ZMAT4: variants seen among roughly 807,000 people sequenced by gnomAD.
ZMAT4 encodes the protein zinc finger matrin-type protein 4.
ZMAT4 carries 17 observed loss-of-function variants against 28.7 expected under a neutral mutation model. The ratio of observed to expected loss-of-function variants is 0.59; its 90% CI spans 0.41 to 0.89. The LOEUF (loss-of-function observed/expected upper bound fraction) is 0.89, where lower values mean the gene tolerates loss of function less well. Ranked by LOEUF, ZMAT4 falls within the 40% of genes least tolerant of loss-of-function variation. ZMAT4 has a pLI of 0.00. For synonymous variants in ZMAT4, 117 were observed against 109.2 expected, an observed-to-expected ratio of 1.07 and a Z score of -0.44; for missense variants, 240 against 283.8, an observed-to-expected ratio of 0.85 and a Z score of 1.11.
At chr8:40,751,662 G>A (rs530680321) in intron 3 of ZMAT4, among the ~76,000 whole-genome samples, 1 of 152,142 alleles carries the variant, frequency 6.6e-6, no homozygotes, top group African/African-American at 2.4e-5. Context: ...GGCCTGATGT[G>A]AAATAAGGTC....
intron 2 of ZMAT4, among the ~76,000 whole-genome samples, chr8:40,823,194 C>T (rs761966584): frequency 1.1e-4 from 16 of 151,846 alleles, no homozygotes; most frequent in East Asian, 1.9e-4. Context: ...CCAGCAATTA[C>T]GAAAGATCAA....
chr8:40,598,239 C>A (rs1015045203), intron 5 of ZMAT4, among the ~76,000 whole-genome samples: 1 of 152,134 alleles, frequency 6.6e-6, no homozygotes, highest in African/African-American at 2.4e-5. Context: ...GATACATGTG[C>A]AGAATGTGCA....
At chr8:40,845,614 G>A (rs1816858693) in intron 1 of ZMAT4, among the ~76,000 whole-genome samples, 1 of 151,780 alleles carries the variant, frequency 6.6e-6, no homozygotes, top group African/African-American at 2.4e-5. Flanking sequence ...AGGGGCTTAT[G>A]TTCAGGCAAG....
intron 5 of ZMAT4, 134 bp from the exon 6 acceptor site, chr8:40,581,395 T>A: frequency 1.6e-6 from 1 of 623,400 alleles, no homozygotes; most frequent in Non-Finnish European, 2.9e-6. Flanking sequence ...CTTCAACCCT[T>A]CCTTGCAGAG....
At chr8:40,566,472 A>G (rs1803929532) in intron 6 of ZMAT4, among the ~76,000 whole-genome samples, 1 of 152,074 alleles carries the variant, frequency 6.6e-6, no homozygotes, top group Non-Finnish European at 1.5e-5. Flanking sequence ...TTCAATTTCC[A>G]GGCTGGGATG....
At chr8:40,658,613 GACACATACACACAC>G (rs1357146451) in intron 5 of ZMAT4, among the ~76,000 whole-genome samples, 1 of 101,316 alleles carries the variant, frequency 9.9e-6, no homozygotes, top group African/African-American at 4.5e-5. Flanking sequence ...GGCAGCGTTA[GACACATACACACAC>G]ACACACACAC....
At chr8:40,594,249 T>G (rs911029517) in intron 5 of ZMAT4, among the ~76,000 whole-genome samples, 2 of 152,224 alleles carry the variant, frequency 1.3e-5, no homozygotes, top group Admixed American at 6.5e-5. Context: ...CCTTATCTAT[T>G]TATAGAAACA....
intron 1 of ZMAT4, among the ~76,000 whole-genome samples, chr8:40,883,175 C>G (rs1443135856): frequency 1.3e-5 from 2 of 152,182 alleles, no homozygotes; most frequent in Non-Finnish European, 2.9e-5. Flanking sequence ...GTCCCTTCAG[C>G]CTCAGTTCCC....
chr8:40,653,528 G>T (rs1006304891), intron 5 of ZMAT4, among the ~76,000 whole-genome samples: 2 of 151,924 alleles, frequency 1.3e-5, no homozygotes, highest in African/African-American at 2.4e-5. Flanking sequence ...TGACAAGAAA[G>T]AGATAACTCA....
At chr8:40,646,938 A>G (rs1807347654) in intron 5 of ZMAT4, among the ~76,000 whole-genome samples, 1 of 152,252 alleles carries the variant, frequency 6.6e-6, no homozygotes, top group Non-Finnish European at 1.5e-5. Context: ...TCTAGGACAA[A>G]TCATATGTTT....
At chr8:40,831,312 G>A (rs184709792) in intron 1 of ZMAT4, among the ~76,000 whole-genome samples, 25 of 152,296 alleles carry the variant, frequency 1.6e-4, no homozygotes, top group Middle Eastern at 3.4e-3. Context: ...CCTGACGGAC[G>A]GAGAAGTTTG....
At chr8:40,838,939 G>A (rs989197978) in intron 1 of ZMAT4, among the ~76,000 whole-genome samples, 1 of 152,092 alleles carries the variant, frequency 6.6e-6, no homozygotes, top group Non-Finnish European at 1.5e-5. Context: ...GGGCCATAAG[G>A]ACCATCTAAT....
chr8:40,860,229 C>G (rs971356204), intron 1 of ZMAT4, among the ~76,000 whole-genome samples: 2 of 152,084 alleles, frequency 1.3e-5, no homozygotes, highest in Non-Finnish European at 2.9e-5. Context: ...GTTCTCATGG[C>G]TTTTACAGCC....
chr8:40,783,375 T>C (rs937956175), intron 2 of ZMAT4, among the ~76,000 whole-genome samples: 1 of 152,084 alleles, frequency 6.6e-6, no homozygotes, highest in Non-Finnish European at 1.5e-5. Context: ...TGAAAATAGA[T>C]TAATGGTTGC....
intron 5 of ZMAT4, among the ~76,000 whole-genome samples, chr8:40,672,674 T>G (rs1355172853): frequency 2.6e-5 from 4 of 152,212 alleles, no homozygotes; most frequent in Non-Finnish European, 5.9e-5. Context: ...ATAATTTTTC[T>G]TCAAGTCATA....
chr8:40,785,375 CT>C (rs1365367340), intron 2 of ZMAT4, among the ~76,000 whole-genome samples: 2 of 152,232 alleles, frequency 1.3e-5, no homozygotes, highest in African/African-American at 4.8e-5. Context: ...AACCACAACC[CT>C]TTGGCAAAGA....
At chr8:40,766,887 G>A (rs1412430102) in intron 3 of ZMAT4, among the ~76,000 whole-genome samples, 2 of 152,192 alleles carry the variant, frequency 1.3e-5, no homozygotes, top group East Asian at 3.8e-4. Flanking sequence ...CGGATGGTGT[G>A]GGGTATAAAT....
intron 6 of ZMAT4, among the ~76,000 whole-genome samples, chr8:40,541,844 G>A (rs762066266): frequency 1.3e-5 from 2 of 152,148 alleles, no homozygotes; most frequent in Non-Finnish European, 2.9e-5. Flanking sequence ...GGAAAATGTC[G>A]GACTCCCCTT....
At chr8:40,781,789 A>C (rs1039219122) in intron 2 of ZMAT4, among the ~76,000 whole-genome samples, 68 of 147,902 alleles carry the variant, frequency 4.6e-4, no homozygotes, top group African/African-American at 1.7e-3. Flanking sequence ...AAAAAAAAAA[A>C]AAGAAAAGAA....
Sources: allele counts gnomAD v4.1 joint callset (sites outside exome capture counted in the v4.1 genomes callset), GRCh38; gene constraint gnomAD v4.1.1; transcripts MANE v1.5; gene names NCBI Gene and HGNC (gene_info 2026-07-23, HGNC 2026-07-21).